Variants in SEMA3E observed in about 807,000 individuals in gnomAD.
The protein encoded by SEMA3E is semaphorin-3E.
In SEMA3E, 49 loss-of-function variants were observed where a neutral mutation model predicts 93.6. The observed-to-expected ratio is 0.52, with a 90% CI of 0.42 to 0.66. The LOEUF is 0.66. Ranked by LOEUF, SEMA3E falls within the 30% of genes least tolerant of loss-of-function variation. SEMA3E has a pLI of 0.00. For synonymous variants in SEMA3E, 363 were observed against 330.7 expected, an observed-to-expected ratio of 1.10 and a Z score of -1.06; for missense variants, 906 against 964.8, an observed-to-expected ratio of 0.94 and a Z score of 0.81.
chr7:83,566,425 A>T (rs1486598301), intron 1 of SEMA3E, among the ~76,000 whole-genome samples: 1 of 152,042 alleles, frequency 6.6e-6, no homozygotes, highest in Admixed American at 6.6e-5. Context: ...TTCTATTTTC[A>T]TATGTGAGAT....
chr7:83,381,400 T>C (rs1398306591), intron 16 of SEMA3E, among the ~76,000 whole-genome samples: 2 of 152,010 alleles, frequency 1.3e-5, no homozygotes, highest in Non-Finnish European at 2.9e-5. Flanking sequence ...AAAGTTTTTA[T>C]CTCATACTGT....
intron 4 of SEMA3E, among the ~76,000 whole-genome samples, chr7:83,451,491 T>C (rs1789358020): frequency 6.6e-6 from 1 of 152,208 alleles, no homozygotes; most frequent in Non-Finnish European, 1.5e-5. Flanking sequence ...ATTCATTCAT[T>C]CCATAGTTAT....
chr7:83,573,845 T>C (rs560404019), intron 1 of SEMA3E, among the ~76,000 whole-genome samples: 1 of 152,022 alleles, frequency 6.6e-6, no homozygotes, highest in Non-Finnish European at 1.5e-5. Context: ...ATCAGAAAAA[T>C]ATTTAATTCT....
At chr7:83,486,594 C>T (rs1467026851) in intron 2 of SEMA3E, among the ~76,000 whole-genome samples, 1 of 152,130 alleles carries the variant, frequency 6.6e-6, no homozygotes, top group Non-Finnish European at 1.5e-5. Context: ...GTAGACCTTA[C>T]TCCTACTCCG....
chr7:83,372,323 A>G (rs187187663), intron 16 of SEMA3E: 1 of 397,950 alleles, frequency 2.5e-6, no homozygotes, highest in Admixed American at 4.4e-5. Flanking sequence ...TCCTTATTGA[A>G]TATGATCTTT....
chr7:83,466,583 C>G lies in SEMA3E; in HGVS notation c.355G>C (p.Val119Leu), dbSNP rs145267516. ...GKDAGECANYVRVLHHYNRTH... is the reference protein window; with the variant it reads ...GKDAGECANYLRVLHHYNRTH... The stretch of plus-strand genomic sequence containing the variant: ...CTGTTATAGTGATGCAAAACCCGAA[C>G]ATAATTTGCACATTCACCCTAAAGC... Residue 119 changes from valine (V) to leucine (L), a missense_variant, in exon 4 of 17, where the codon GTT (valine) becomes CTT (leucine). By Grantham distance (32) the Val-to-Leu change is conservative. Coordinates refer to ENST00000643230, the MANE Select transcript of SEMA3E (RefSeq NM_012431.3). 2.0e-5 allele frequency: 32 copies of G among 1,613,494 alleles called. No homozygotes were observed. The highest frequency in any genetic ancestry group is 4.0e-5 in the African/African-American group (3 of 74,888).
rs554259648 is a variant in SEMA3E at position 83,418,153 on chromosome 7, C to T, written c.550+237G>A. On this transcript the variant is annotated intron_variant, in intron 5 of 16. Transcript: ENST00000643230. ...GACACCAAATACATGAGATATTAAA[C>T]GACAATTTGTTTTCTCAGAGTGAGA... 3.9e-4 allele frequency among the ~76,000 whole-genome samples: 59 copies of T among 152,168 alleles called. 1 individual carries two copies. The South Asian group carries it at 0.01, about 26-fold the overall frequency.
intron 1 of SEMA3E, among the ~76,000 whole-genome samples, chr7:83,554,537 G>GT (rs5885365): frequency 0.57 from 86,569 of 151,738 alleles, 26,319 homozygotes; most frequent in African/African-American, 0.79. Flanking sequence ...GATAGGGGCA[G>GT]TTTTTTTTAA....
chr7:83,428,624 A>G (rs1004310552), intron 4 of SEMA3E, among the ~76,000 whole-genome samples: 4 of 152,132 alleles, frequency 2.6e-5, no homozygotes, highest in African/African-American at 9.7e-5. Context: ...TTATTAAAGG[A>G]TATTTGAAAC....
rs533438544 is a variant in SEMA3E, at chr7:83,601,048, C to T, written c.115+47380G>A. The stretch of plus-strand genomic sequence containing the variant: ...GTTTTAAGAGAGGAGCAGGAGAATG[C>T]GAGGGAGGGAAAGAGATGTGATGAC... On this transcript the variant is annotated intron_variant, in intron 1 of 16. Coordinates refer to ENST00000643230, the MANE Select transcript of SEMA3E (RefSeq NM_012431.3). Among the ~76,000 whole-genome samples, 6 of 152,106 alleles carry T rather than the reference C, an allele frequency of 3.9e-5. 1 individual carries two copies. The East Asian group carries it at 7.8e-4, about 20-fold the overall frequency.
chr7:83,592,379 G>A (rs1259121253), intron 1 of SEMA3E, among the ~76,000 whole-genome samples: 7 of 152,122 alleles, frequency 4.6e-5, no homozygotes, highest in African/African-American at 1.4e-4. Flanking sequence ...TTATTTCCAG[G>A]TTTAAAGTAC....
chr7:83,399,313 T>G (rs563153756), intron 11 of SEMA3E, among the ~76,000 whole-genome samples: 1 of 152,186 alleles, frequency 6.6e-6, no homozygotes, highest in Non-Finnish European at 1.5e-5. Flanking sequence ...ACAAGTTAGA[T>G]CTAATGTATG....
intron 1 of SEMA3E, among the ~76,000 whole-genome samples, chr7:83,563,097 A>G (rs2115841221): frequency 6.6e-6 from 1 of 152,246 alleles, no homozygotes; most frequent in East Asian, 1.9e-4. Flanking sequence ...TCTGCCTCTC[A>G]GTTCAGATTC....
intron 2 of SEMA3E, among the ~76,000 whole-genome samples, chr7:83,483,916 A>G (rs1005158833): frequency 6.6e-6 from 1 of 152,192 alleles, no homozygotes; most frequent in Non-Finnish European, 1.5e-5. Flanking sequence ...CATAGTCACC[A>G]TGGGAAGTAT....
At chr7:83,468,011 T>C (rs1332044335) in intron 3 of SEMA3E, among the ~76,000 whole-genome samples, 7 of 152,214 alleles carry the variant, frequency 4.6e-5, no homozygotes, top group Admixed American at 4.6e-4. Flanking sequence ...ATGAAATAAA[T>C]ACTAAACTCT....
chr7:83,552,986 C>T (rs1791797490), intron 1 of SEMA3E, among the ~76,000 whole-genome samples: 1 of 152,066 alleles, frequency 6.6e-6, no homozygotes, highest in Admixed American at 6.6e-5. Context: ...TTGTTAGACT[C>T]TTATTAGTAG....
At chr7:83,537,455 C>T (rs556622263) in intron 1 of SEMA3E, among the ~76,000 whole-genome samples, 29 of 152,126 alleles carry the variant, frequency 1.9e-4, no homozygotes, top group African/African-American at 6.0e-4. Context: ...TTGTCACAAA[C>T]GGTGAAGGGA....
chr7:83,392,715 G>A lies in SEMA3E; in HGVS notation c.1507C>T (p.Leu503=). The change falls in exon 14 of 17, where the codon CTG becomes TTG. Residue 503 remains leucine, a synonymous_variant. Coordinates refer to ENST00000643230, the MANE Select transcript of SEMA3E (RefSeq NM_012431.3). ...ACAGCAGAAGCAGATCCAATATACAGCTGTTGCTACAGAAATCAGAAAGAG... is the reference window on the plus strand; with the variant it reads ...ACAGCAGAAGCAGATCCAATATACAACTGTTGCTACAGAAATCAGAAAGAG... ...SMEISSKRQQ[L]YIGSASAVAQ... is the part of the protein sequence containing the mutation. The A allele has an allele frequency of 1.2e-6, 2 of 1,613,724 alleles. No individual in the cohort carries two copies. The highest frequency in any genetic ancestry group is 1.7e-6 in the Non-Finnish European group (2 of 1,179,756).
chr7:83,401,775 G>A lies in SEMA3E; in HGVS notation c.1143+857C>T, dbSNP rs909413207. ...ACTTGCAAGTAATCGTGGAATCAGT[G>A]TAGTGATGGGATTTCACCAGCTGCT... On this transcript the variant is annotated intron_variant, in intron 10 of 16. Transcript: ENST00000643230. 4.6e-5 allele frequency among the ~76,000 whole-genome samples: 7 copies of A among 152,022 alleles called. No homozygotes were observed. In the East Asian group the frequency reaches 1.3e-3, roughly 29 times the overall value.
Sources: allele counts gnomAD v4.1 joint callset (sites outside exome capture counted in the v4.1 genomes callset), GRCh38; gene constraint gnomAD v4.1.1; transcripts MANE v1.5; gene names NCBI Gene and HGNC (gene_info 2026-07-23, HGNC 2026-07-21).